SYNE1: variants seen among roughly 807,000 people sequenced by gnomAD.
The protein encoded by SYNE1 is spectrin repeat containing nuclear envelope protein 1.
In SYNE1, 616 loss-of-function variants were observed where a neutral mutation model predicts 1,111.0. That is an observed-to-expected ratio of 0.55 (90% confidence interval 0.52 to 0.59). SYNE1 has a LOEUF of 0.59. Among genes scored for constraint, SYNE1 ranks in the 20% least tolerant of loss-of-function variants. The pLI is 0.00. For synonymous variants in SYNE1, 3,855 were observed against 3,825.8 expected (o/e 1.01, Z -0.28); for missense variants, 10,006 against 10,417.0 (o/e 0.96, Z 1.72).
chr6:152,353,134 A>C, intron 69 of SYNE1, 129 bp downstream of exon 69: 1 of 1,270,016 alleles, frequency 7.9e-7, no homozygotes, highest in South Asian at 1.2e-5. Flanking sequence ...TTTCAAGTAA[A>C]ATGATGAGCT....
At chr6:152,347,827 C>T (rs1305693679) in intron 72 of SYNE1, among the ~76,000 whole-genome samples, 1 of 151,114 alleles carries the variant, frequency 6.6e-6, no homozygotes, top group Non-Finnish European at 1.5e-5. Context: ...ATCACAGGTG[C>T]CCACCACCAC....
chr6:152,418,344 A>C (rs80345805), intron 40 of SYNE1, among the ~76,000 whole-genome samples: 1,565 of 152,278 alleles, frequency 0.01, 10 homozygotes, highest in Middle Eastern at 0.024. Context: ...TAGAGCCTAA[A>C]TTCACTGAGC....
chr6:152,289,848 G>A (rs2094505430), intron 95 of SYNE1, among the ~76,000 whole-genome samples: 1 of 151,642 alleles, frequency 6.6e-6, no homozygotes, highest in Admixed American at 6.6e-5. Flanking sequence ...GGATGGTCGC[G>A]ATCTCCTGAC....
chr6:152,632,752 T>C (rs1040840439), intron 2 of SYNE1, among the ~76,000 whole-genome samples: 24 of 152,250 alleles, frequency 1.6e-4, no homozygotes, highest in African/African-American at 5.1e-4. Context: ...GGTATACTTA[T>C]GCCAAATTAG....
intron 72 of SYNE1, among the ~76,000 whole-genome samples, chr6:152,348,902 G>A (rs1198621824): frequency 6.6e-6 from 1 of 152,032 alleles, no homozygotes; most frequent in Non-Finnish European, 1.5e-5. Context: ...TATCATATAT[G>A]CTCAGTTGAA....
intron 126 of SYNE1, 80 bp downstream of exon 126, chr6:152,206,088 G>T: frequency 3.0e-6 from 4 of 1,338,054 alleles, no homozygotes; most frequent in African/African-American, 1.4e-5. Context: ...TGCATTATTT[G>T]ATTTGTAGAA....
At chr6:152,591,004 C>T (rs1583037020) in intron 3 of SYNE1, among the ~76,000 whole-genome samples, 1 of 152,264 alleles carries the variant, frequency 6.6e-6, no homozygotes, top group East Asian at 1.9e-4. Context: ...GATGTTGATT[C>T]TTTCAATCTA....
intron 2 of SYNE1, among the ~76,000 whole-genome samples, chr6:152,632,633 T>G (rs528236229): frequency 8.5e-5 from 13 of 152,298 alleles, no homozygotes; most frequent in African/African-American, 3.1e-4. Context: ...TGCACAGACT[T>G]TGATCTAAGA....
intron 11 of SYNE1, among the ~76,000 whole-genome samples, chr6:152,488,727 AT>A (rs34808382): frequency 4.0e-5 from 6 of 149,882 alleles, no homozygotes; most frequent in Admixed American, 6.6e-5. Context: ...AACCAACTCC[AT>A]TTTTTTTTTG....
chr6:152,401,331 G>T lies in SYNE1; in HGVS notation c.6836C>A (p.Ala2279Glu). 6.2e-7 allele frequency: 1 copy of T among 1,613,522 alleles called. No homozygotes were observed. The highest frequency in any genetic ancestry group is 8.5e-7 in the Non-Finnish European group (1 of 1,179,952). ...ATGCTCCAGTTTCTGCATTAAGTCT[G>T]CTTCTATAAACTAAATATCAAGCAA... is the stretch of plus-strand genomic sequence containing the variant. The part of the protein sequence containing the change: ...ETPPDLQFIE[A>E]DLMQKLEHAK... The change falls in exon 47 of 146, where the codon GCA becomes GAA. Residue 2279 changes from alanine to glutamate, a missense_variant. This residue lies in a region of SYNE1 where 4,955 missense variants were observed against 5,017.2 expected (regional missense o/e 0.99). Coordinates refer to ENST00000367255, the MANE Select transcript of SYNE1 (RefSeq NM_182961.4).
intron 14 of SYNE1, among the ~76,000 whole-genome samples, chr6:152,482,756 T>C (rs944370462): frequency 4.2e-4 from 64 of 152,192 alleles, no homozygotes; most frequent in African/African-American, 1.5e-3. Context: ...CTGGAGCCAA[T>C]GGCCGGCCAC....
chr6:152,259,675 C>A (rs1010050645), intron 101 of SYNE1, among the ~76,000 whole-genome samples: 11 of 152,008 alleles, frequency 7.2e-5, no homozygotes, highest in African/African-American at 2.7e-4. Flanking sequence ...ACGTTGTTAG[C>A]GATGTTAACA....
intron 127 of SYNE1, among the ~76,000 whole-genome samples, chr6:152,195,059 T>A (rs1198815628): frequency 3.3e-5 from 5 of 152,132 alleles, no homozygotes; most frequent in Non-Finnish European, 7.3e-5. Context: ...CAGCTTGGAT[T>A]ACACACATGT....
intron 21 of SYNE1, among the ~76,000 whole-genome samples, chr6:152,459,793 A>G (rs2098720605): frequency 1.3e-5 from 2 of 152,214 alleles, no homozygotes; most frequent in Admixed American, 1.3e-4. Flanking sequence ...TAGTATAAAG[A>G]CAATAATGTT....
chr6:152,612,180 G>A (rs909532053), intron 3 of SYNE1, among the ~76,000 whole-genome samples: 5 of 151,502 alleles, frequency 3.3e-5, no homozygotes, highest in African/African-American at 9.7e-5. Context: ...GAAACAAAAA[G>A]CCCTTCAAAA....
rs1356832955 is a variant in SYNE1, at chr6:152,381,128, C to T, written c.8887G>A (p.Ala2963Thr). ...LSEQEFSGQVAQLEQALEQFS... is the reference protein window; with the variant it reads ...LSEQEFSGQVTQLEQALEQFS... Reference sequence around the variant, plus strand: ...TGTTCCAGGGCCTGCTCCAGTTGAGCCACTTGGCCTGAGAATTCCTGCTCC... The same window carrying T: ...TGTTCCAGGGCCTGCTCCAGTTGAGTCACTTGGCCTGAGAATTCCTGCTCC... The change falls in exon 56 of 146, where the codon GCT becomes ACT. Residue 2963 changes from alanine (A) to threonine (T), a missense_variant. Ala to Thr is a moderately conservative substitution (Grantham distance 58). Around this residue, in one of 7 missense-constraint regions of SYNE1, gnomAD observed 4,955 missense variants for 5,017.2 expected, o/e 0.99. Transcript: ENST00000367255. 3.7e-6 allele frequency: 6 copies of T among 1,614,074 alleles called. No homozygotes were observed. The highest frequency in any genetic ancestry group is 5.1e-6 in the Non-Finnish European group (6 of 1,180,048).
intron 2 of SYNE1, among the ~76,000 whole-genome samples, chr6:152,635,773 C>G (rs1583859438): frequency 6.6e-6 from 1 of 152,192 alleles, no homozygotes; most frequent in Non-Finnish European, 1.5e-5. Context: ...AAGTTTTCCA[C>G]CCCAAAACGA....
chr6:152,465,523 T>C (rs1051053614), intron 17 of SYNE1, 63 bp from the exon 18 acceptor site: 22 of 1,469,356 alleles, frequency 1.5e-5, no homozygotes, highest in African/African-American at 5.6e-5. Flanking sequence ...CACCTTTTTT[T>C]CTATGGTCTT....
chr6:152,604,042 T>C (rs890187781), intron 3 of SYNE1, among the ~76,000 whole-genome samples: 1 of 150,852 alleles, frequency 6.6e-6, no homozygotes, highest in Non-Finnish European at 1.5e-5. Flanking sequence ...TATATGTATG[T>C]ATGTTCATAT....
Sources: gnomAD v4.1 joint callset for allele counts (sites outside exome capture counted in the v4.1 genomes callset) on GRCh38, gnomAD v4.1.1 for gene constraint, gnomAD v4.1.1 regional missense constraint, MANE v1.5 for transcripts, NCBI Gene and HGNC (gene_info 2026-07-23, HGNC 2026-07-21) for gene names.